Variants in STK32B observed in about 807,000 individuals in gnomAD.
The protein encoded by STK32B is serine/threonine kinase 32B.
A neutral mutation model predicts 52.6 loss-of-function variants in STK32B; 43 were observed. That is an observed-to-expected ratio of 0.82 (90% confidence interval 0.64 to 1.05). STK32B has a LOEUF of 1.05. Among genes scored for constraint, STK32B ranks in the 50% least tolerant of loss-of-function variants. The pLI, the probability that STK32B is intolerant of heterozygous loss-of-function variation, is 0.00. For missense variants in STK32B, 621 were observed against 534.6 expected, an observed-to-expected ratio of 1.16 and a Z score of -1.59; for synonymous variants, 238 against 204.3, an observed-to-expected ratio of 1.17 and a Z score of -1.41.
chr4:5,331,318 A>C lies in STK32B; in HGVS notation c.359A>C (p.Glu120Ala). 6.2e-7 allele frequency: 1 copy of C among 1,613,974 alleles called. No homozygotes were observed. ...CTGCAGCAGAATGTGCATTTCACAG[A>C]GGGGACTGTGAAACTCTACATCTGT... ...YHLQQNVHFT[E>A]GTVKLYICEL... Residue 120 changes from glutamate to alanine, a missense_variant, in exon 4 of 12, where the codon GAG (glutamate) becomes GCG (alanine). By Grantham distance (107) the Glu-to-Ala change is moderately radical. Coordinates refer to ENST00000282908, the MANE Select transcript of STK32B (RefSeq NM_018401.3).
intron 3 of STK32B, among the ~76,000 whole-genome samples, chr4:5,316,636 A>T (rs796971556): frequency 3.0e-3 from 10 of 3,368 alleles, no homozygotes; most frequent in Non-Finnish European, 3.8e-3. Flanking sequence ...TATAATATAT[A>T]ATATATTATA....
chr4:5,375,044 G>A (rs10035056), intron 4 of STK32B, among the ~76,000 whole-genome samples: 1,756 of 152,240 alleles, frequency 0.012, 21 homozygotes, highest in South Asian at 0.058. Context: ...ATGAGCCAAG[G>A]AACCAATGAA....
At chr4:5,316,698 T>TA (rs1337545542) in intron 3 of STK32B, among the ~76,000 whole-genome samples, 5 of 62 alleles carry the variant, frequency 0.081, no homozygotes, top group Non-Finnish European at 0.14. Context: ...ATATATATCA[T>TA]ATTATAATAT....
intron 3 of STK32B, among the ~76,000 whole-genome samples, chr4:5,236,456 C>G (rs1560247126): frequency 6.6e-6 from 1 of 152,172 alleles, no homozygotes; most frequent in African/African-American, 2.4e-5. Context: ...GAACAAGAAT[C>G]AGAACATATT....
intron 4 of STK32B, among the ~76,000 whole-genome samples, chr4:5,388,553 C>T (rs1222512790): frequency 1.3e-5 from 2 of 152,160 alleles, no homozygotes; most frequent in Non-Finnish European, 2.9e-5. Flanking sequence ...TCTCCACACC[C>T]TTCTATTGTT....
intron 7 of STK32B, among the ~76,000 whole-genome samples, chr4:5,451,050 A>T (rs546619677): frequency 8.5e-5 from 13 of 152,362 alleles, no homozygotes; most frequent in Admixed American, 3.3e-4. Flanking sequence ...AAGAAGGTTT[A>T]TCAGGCCCAC....
chr4:5,446,573 A>C (rs1715447656), intron 6 of STK32B, 100 bp from the exon 7 acceptor site: 1 of 1,107,622 alleles, frequency 9.0e-7, no homozygotes, highest in Non-Finnish European at 1.3e-6. Flanking sequence ...AAACAAAAAA[A>C]AAAAAAACAA....
intron 3 of STK32B, among the ~76,000 whole-genome samples, chr4:5,275,425 C>A (rs981679487): frequency 2.0e-5 from 3 of 152,108 alleles, no homozygotes; most frequent in Non-Finnish European, 4.4e-5. Flanking sequence ...ATGCAAATAT[C>A]TTTTTATCGT....
At chr4:5,347,683 G>C (rs1733556203) in intron 4 of STK32B, among the ~76,000 whole-genome samples, 1 of 152,162 alleles carries the variant, frequency 6.6e-6, no homozygotes, top group Admixed American at 6.5e-5. Context: ...GGCCTGGTGG[G>C]AGATGACTGG....
At chr4:5,271,894 G>C (rs895556232) in intron 3 of STK32B, among the ~76,000 whole-genome samples, 6 of 141,824 alleles carry the variant, frequency 4.2e-5, no homozygotes, top group Admixed American at 2.7e-4. Context: ...TCAGCTTAAG[G>C]AGATATTGGG....
At chr4:5,307,546 A>ATTTTTTTTTT (rs769423490) in intron 3 of STK32B, among the ~76,000 whole-genome samples, 2 of 131,096 alleles carry the variant, frequency 1.5e-5, no homozygotes, top group Non-Finnish European at 1.5e-5. Flanking sequence ...CATATGCTCT[A>ATTTTTTTTTT]TCTTTTTTTT....
rs933192987 is a variant in STK32B, at chr4:5,058,326, T to G, written c.52+6411T>G. ...GTTATGTGAGACCATGTGACTTGTT[T>G]TGGTCCATTTGAGCTGAGATGACAT... On this transcript the variant is annotated intron_variant, in intron 1 of 11. Transcript: ENST00000282908. The surrounding 1 kb of genome is among the most constrained non-coding windows in gnomAD (Gnocchi z 4.8). Among the ~76,000 whole-genome samples the G allele has an allele frequency of 4.6e-5, 7 of 152,224 alleles. No individual in the cohort carries two copies. The highest frequency in any genetic ancestry group is 1.7e-4 in the African/African-American group (7 of 41,458).
At chr4:5,364,742 A>T (rs897346796) in intron 4 of STK32B, among the ~76,000 whole-genome samples, 5 of 152,148 alleles carry the variant, frequency 3.3e-5, no homozygotes, top group African/African-American at 1.2e-4. Flanking sequence ...AAATCATGCT[A>T]AGCAGAAGAA....
intron 3 of STK32B, among the ~76,000 whole-genome samples, chr4:5,317,005 A>T (rs747593596): frequency 5.8e-4 from 15 of 25,916 alleles, no homozygotes; most frequent in South Asian, 1.4e-3. Flanking sequence ...TATAATATAT[A>T]ATATATATAA....
At chr4:5,238,353 C>G (rs887655078) in intron 3 of STK32B, among the ~76,000 whole-genome samples, 1 of 152,074 alleles carries the variant, frequency 6.6e-6, no homozygotes, top group Non-Finnish European at 1.5e-5. Flanking sequence ...CATAAGGCCT[C>G]TCTGTTTCTT....
chr4:5,274,696 C>T (rs7694623), intron 3 of STK32B, among the ~76,000 whole-genome samples: 1 of 151,966 alleles, frequency 6.6e-6, no homozygotes, highest in South Asian at 2.1e-4. Flanking sequence ...GGTCCCCTCC[C>T]TTTTTTTGGG....
intron 3 of STK32B, among the ~76,000 whole-genome samples, chr4:5,259,796 C>T (rs1726577745): frequency 6.6e-6 from 1 of 152,096 alleles, no homozygotes; most frequent in Non-Finnish European, 1.5e-5. Context: ...ACGCACCAGA[C>T]TATTTTAATG....
intron 6 of STK32B, among the ~76,000 whole-genome samples, chr4:5,430,162 A>AAT: frequency 6.6e-6 from 1 of 152,032 alleles, no homozygotes; most frequent in African/African-American, 2.4e-5. Context: ...TATCTCTGCA[A>AAT]ATATATATAT....
At chr4:5,331,476 A>G (rs1732247159) in intron 4 of STK32B, 83 bp downstream of exon 4, 11 of 1,443,100 alleles carry the variant, frequency 7.6e-6, no homozygotes, top group South Asian at 1.4e-5. Context: ...GTGGGGAGAG[A>G]ATTTTGTCCT....
Sources: gnomAD v4.1 joint callset for allele counts (sites outside exome capture counted in the v4.1 genomes callset) on GRCh38, gnomAD v4.1.1 for gene constraint, Gnocchi (gnomAD v3.1) non-coding constraint, MANE v1.5 for transcripts, NCBI Gene and HGNC (gene_info 2026-07-23, HGNC 2026-07-21) for gene names.